Variants in LRRK2 observed in about 807,000 individuals in gnomAD.
LRRK2 encodes leucine rich repeat kinase 2, also known as leucine-rich repeat serine/threonine-protein kinase 2.
A neutral mutation model predicts 302.6 loss-of-function variants in LRRK2; 203 were observed. The observed-to-expected ratio is 0.67, with a 90% CI of 0.60 to 0.75. The LOEUF (loss-of-function observed/expected upper bound fraction) is 0.75, where lower values mean the gene tolerates loss of function less well. LRRK2 is among the 30% of genes least tolerant of loss of function. The pLI, the probability that LRRK2 is intolerant of heterozygous loss-of-function variation, is 0.00. For missense variants in LRRK2, 2,830 were observed against 2,951.0 expected (o/e 0.96, Z 0.95); for synonymous variants, 1,066 against 1,031.9 (o/e 1.03, Z -0.63).
intron 13 of LRRK2, among the ~76,000 whole-genome samples, chr12:40,260,028 T>C (rs1942700180): frequency 6.6e-6 from 1 of 152,164 alleles, no homozygotes. Flanking sequence ...CTTTCTCCAA[T>C]GTGGCTTGTA....
intron 11 of LRRK2, among the ~76,000 whole-genome samples, chr12:40,256,631 T>C (rs1291343070): frequency 6.6e-6 from 1 of 152,240 alleles, no homozygotes; most frequent in Non-Finnish European, 1.5e-5. Flanking sequence ...TCCATTCATT[T>C]GTATATGATG....
intron 18 of LRRK2, among the ~76,000 whole-genome samples, chr12:40,281,386 G>A (rs1943691683): frequency 6.6e-6 from 1 of 152,120 alleles, no homozygotes; most frequent in South Asian, 2.1e-4. Flanking sequence ...TGGTAGTGGT[G>A]GTAGTGGTGT....
At chr12:40,330,081 CTA>C (rs1292143712) in intron 39 of LRRK2, among the ~76,000 whole-genome samples, 1 of 152,180 alleles carries the variant, frequency 6.6e-6, no homozygotes, top group Non-Finnish European at 1.5e-5. Flanking sequence ...AGTGATTAAT[CTA>C]TGAGTTAGTT....
chr12:40,291,925 T>G (rs938922490), intron 20 of LRRK2, among the ~76,000 whole-genome samples: 1 of 152,110 alleles, frequency 6.6e-6, no homozygotes, highest in Non-Finnish European at 1.5e-5. Context: ...GGACTATATA[T>G]AAAAATAATT....
In LRRK2 at chr12:40,225,591, C is replaced by T; in HGVS notation, c.188C>T (p.Pro63Leu). The change falls in exon 2 of 51, where the codon CCT (proline) becomes CTT (leucine). Residue 63 changes from proline to leucine, a missense_variant. This residue lies in a region of LRRK2 where 2,121 missense variants were observed against 2,148.0 expected (regional missense o/e 0.99). Coordinates refer to ENST00000298910, the MANE Select transcript of LRRK2 (RefSeq NM_198578.4). ...KLFQGKNIHV[P>L]LLIVLDSYMR... ...TTTCAAGGCAAAAATATCCATGTGC[C>T]TCTGTTGATCGTCTTGGACTCCTAT... 6.2e-6 allele frequency: 10 copies of T among 1,614,096 alleles called. No homozygotes were observed. Among genetic ancestry groups the T allele is most frequent in the Non-Finnish European group, 7.6e-6 (9 of 1,180,024 alleles).
intron 2 of LRRK2, among the ~76,000 whole-genome samples, chr12:40,226,509 T>A (rs1940895217): frequency 6.6e-6 from 1 of 152,226 alleles, no homozygotes; most frequent in Non-Finnish European, 1.5e-5. Context: ...ACATGAGGCA[T>A]CTCAATCTTT....
chr12:40,241,170 C>T (rs575005515), intron 6 of LRRK2, among the ~76,000 whole-genome samples: 7 of 152,218 alleles, frequency 4.6e-5, no homozygotes, highest in Admixed American at 4.6e-4. Context: ...GCGTGTGTGC[C>T]GCTGTGCATG....
intron 7 of LRRK2, among the ~76,000 whole-genome samples, chr12:40,247,189 T>C (rs1216336393): frequency 6.6e-6 from 1 of 152,118 alleles, no homozygotes; most frequent in Non-Finnish European, 1.5e-5. Flanking sequence ...ATATCCCCTG[T>C]GTAATTTGGA....
intron 43 of LRRK2, among the ~76,000 whole-genome samples, chr12:40,350,337 G>C (rs1946314003): frequency 6.6e-6 from 1 of 152,180 alleles, no homozygotes; most frequent in Non-Finnish European, 1.5e-5. Flanking sequence ...TCTGGCTTTA[G>C]GGGTCCACTG....
chr12:40,236,533 G>A (rs550286059), intron 4 of LRRK2, among the ~76,000 whole-genome samples: 1 of 152,288 alleles, frequency 6.6e-6, no homozygotes, highest in African/African-American at 2.4e-5. Context: ...GAGAAGAAAG[G>A]CCGCTCACAG....
At position 40,333,547 on chromosome 12, in the gene LRRK2, A is replaced by G. The variant is rs189292202; in HGVS notation, c.5758-1420A>G. On this transcript the variant is annotated intron_variant, in intron 39 of 50. Coordinates refer to ENST00000298910, the MANE Select transcript of LRRK2 (RefSeq NM_198578.4). ...CATAAAAGAGGCTGTGAAGTCTCAC[A>G]TGATGTGGGCCACAGAGAGGGTTGT... is the stretch of plus-strand genomic sequence containing the variant. Among the ~76,000 whole-genome samples, 144 of 152,234 alleles carry G rather than the reference A, an allele frequency of 9.5e-4. 1 individual carries two copies. In the East Asian group the frequency reaches 0.014, roughly 15 times the overall value.
At chr12:40,308,751 G>A (rs1477493153) in intron 29 of LRRK2, 55 bp downstream of exon 29, 1 of 1,522,346 alleles carries the variant, frequency 6.6e-7, no homozygotes, top group East Asian at 2.3e-5. Context: ...TTGGAACAGG[G>A]ATTCAAAAAC....
intron 13 of LRRK2, among the ~76,000 whole-genome samples, chr12:40,262,360 C>G (rs1192248562): frequency 6.6e-6 from 1 of 152,076 alleles, no homozygotes; most frequent in Non-Finnish European, 1.5e-5. Flanking sequence ...ATTGTATGGA[C>G]TACAAAACTG....
At chr12:40,352,434 A>C (rs982845763) in intron 44 of LRRK2, among the ~76,000 whole-genome samples, 3 of 136,928 alleles carry the variant, frequency 2.2e-5, no homozygotes, top group African/African-American at 8.0e-5. Context: ...GAAGATAAAT[A>C]TTGTGCCTCA....
intron 3 of LRRK2, 51 bp from the exon 4 acceptor site, chr12:40,235,574 AC>A: frequency 7.9e-7 from 1 of 1,261,452 alleles, no homozygotes; most frequent in Non-Finnish European, 1.2e-6. Context: ...AAATAAGCAA[AC>A]TTTTGAGTAT....
intron 4 of LRRK2, among the ~76,000 whole-genome samples, chr12:40,236,139 A>G (rs1335743159): frequency 6.6e-6 from 1 of 152,068 alleles, no homozygotes; most frequent in Non-Finnish European, 1.5e-5. Context: ...TTCTCCCTAT[A>G]TATCTTTAAT....
chr12:40,239,245 A>C (rs1221375229), intron 5 of LRRK2, among the ~76,000 whole-genome samples: 2 of 152,220 alleles, frequency 1.3e-5, no homozygotes, highest in African/African-American at 4.8e-5. Context: ...AAGTCAGAAT[A>C]GCATGGGCCT....
Position 40,322,167 on chromosome 12 carries a change from C to T in LRRK2, c.5303C>T (p.Pro1768Leu), listed in dbSNP as rs1945421817. 4 of 1,611,656 alleles carry T rather than the reference C, an allele frequency of 2.5e-6. No homozygotes were observed. The highest frequency in any genetic ancestry group is 3.4e-6 in the Non-Finnish European group (4 of 1,178,702). Residue 1768 changes from proline to leucine, a missense_variant, in exon 36 of 51, where the codon CCT (proline) becomes CTT (leucine). This residue lies in a region of LRRK2 where 2,121 missense variants were observed against 2,148.0 expected (regional missense o/e 0.99). Transcript: ENST00000298910. ...HPESFLKITVPSCRKGCILLG... is the reference protein window; with the variant it reads ...HPESFLKITVLSCRKGCILLG... ...GAGAGTTTCTTAAAAATTACAGTTC[C>T]TTCTTGTAGAAAAGGTAAGGAAATC... is the stretch of plus-strand genomic sequence containing the variant.
At chr12:40,345,906 A>T (rs1417543985) in intron 41 of LRRK2, among the ~76,000 whole-genome samples, 2 of 152,140 alleles carry the variant, frequency 1.3e-5, no homozygotes, top group Non-Finnish European at 2.9e-5. Flanking sequence ...CACATATTTG[A>T]TAACTTTCTG....
Sources: gnomAD v4.1 joint callset for allele counts (sites outside exome capture counted in the v4.1 genomes callset) on GRCh38, gnomAD v4.1.1 for gene constraint, gnomAD v4.1.1 regional missense constraint, MANE v1.5 for transcripts, NCBI Gene and HGNC (gene_info 2026-07-23, HGNC 2026-07-21) for gene names.